The following SLC17A3 variants were observed in gnomAD, a reference collection of about 807,000 sequenced individuals.
SLC17A3 encodes solute carrier family 17 member 3, also known as sodium-dependent phosphate transport protein 4.
Under a neutral mutation model 60.3 loss-of-function variants are expected in SLC17A3, and 61 were observed. That is an observed-to-expected ratio of 1.01 (90% CI 0.82 to 1.25). The LOEUF is 1.25. SLC17A3 is among the 50% of genes most tolerant of loss of function. The pLI, the probability that SLC17A3 is intolerant of heterozygous loss-of-function variation, is 0.00. For synonymous variants in SLC17A3, 192 were observed against 208.9 expected (o/e 0.92, Z 0.70); for missense variants, 624 against 594.9 (o/e 1.05, Z -0.51).
rs573596829 is a variant in SLC17A3 at position 25,849,518 on chromosome 6, T to C, written c.1272-54A>G. The C allele has an allele frequency of 2.0e-5, 21 of 1,061,780 alleles. No homozygotes were observed. In the East Asian group the frequency reaches 5.0e-4, roughly 25 times the overall value. The allele number at this position is 1,061,780 out of a possible 1,614,324, so 65.8% of individuals were successfully genotyped here. A position where few individuals can be genotyped will look rare whatever the true frequency, so the allele number is the denominator to read the frequency against. ...GATCCAGAGATGTTTGACAGTATCC[T>C]TCAGCCCTGATCCATGTATGAATCT... On this transcript the variant is annotated intron_variant, in intron 10 of 12. Coordinates refer to ENST00000397060, the MANE Select transcript of SLC17A3 (RefSeq NM_001098486.2).
At chr6:25,856,507 G>A (rs555192325) in intron 5 of SLC17A3, among the ~76,000 whole-genome samples, 1 of 152,198 alleles carries the variant, frequency 6.6e-6, no homozygotes, top group African/African-American at 2.4e-5. Context: ...CCAAAGCACT[G>A]GATTACAGGC....
Position 25,845,037 on chromosome 6 carries a change from T to A in SLC17A3, c.*264A>T, listed in dbSNP as rs1176642400. Reference sequence around the variant, plus strand: ...TTGTATCCAGTAATGGAATCTAACATACTGGGTCCCACACAGCAAGCCCTC... The same window carrying A: ...TTGTATCCAGTAATGGAATCTAACAAACTGGGTCCCACACAGCAAGCCCTC... On this transcript the variant is annotated 3_prime_UTR_variant, in exon 13 of 13. Coordinates refer to ENST00000397060, the MANE Select transcript of SLC17A3 (RefSeq NM_001098486.2). 1 of 260,068 alleles carries A rather than the reference T, an allele frequency of 3.8e-6. No individual in the cohort carries two copies. Among genetic ancestry groups the A allele is most frequent in the African/African-American group, 2.2e-5 (1 of 44,500 alleles). 16.1% of individuals were successfully genotyped at this position (260,068 alleles called of 1,614,324 possible). A position where few individuals can be genotyped will look rare whatever the true frequency, so the allele number is the denominator to read the frequency against.
At chr6:25,853,265 TTCTC>T (rs1181893477) in intron 6 of SLC17A3, among the ~76,000 whole-genome samples, 2 of 147,434 alleles carry the variant, frequency 1.4e-5, no homozygotes, top group African/African-American at 5.0e-5. Flanking sequence ...TTTCTTTCCT[TTCTC>T]TCTCTCTCTC....
chr6:25,865,552 C>T, intron 2 of SLC17A3, among the ~76,000 whole-genome samples: 1 of 151,944 alleles, frequency 6.6e-6, no homozygotes, highest in East Asian at 1.9e-4. Flanking sequence ...AAAAGGGTAT[C>T]AGCAAACCAA....
At chr6:25,869,383 G>A (rs1303645939) in intron 1 of SLC17A3, among the ~76,000 whole-genome samples, 4 of 151,788 alleles carry the variant, frequency 2.6e-5, no homozygotes, top group Non-Finnish European at 5.9e-5. Flanking sequence ...CCTCTTAAAC[G>A]TCTAAGCACT....
chr6:25,873,389 A>G (rs1765676141), intron 1 of SLC17A3, among the ~76,000 whole-genome samples: 1 of 152,144 alleles, frequency 6.6e-6, no homozygotes, highest in Non-Finnish European at 1.5e-5. Context: ...AACCACATTG[A>G]GGATCAGCTT....
intron 1 of SLC17A3, among the ~76,000 whole-genome samples, chr6:25,871,450 G>A (rs1207234394): frequency 6.7e-6 from 1 of 148,906 alleles, no homozygotes; most frequent in Non-Finnish European, 1.5e-5. Context: ...GAGAACACAT[G>A]GACACAGGAA....
chr6:25,860,027 T>A (rs1765421742), intron 5 of SLC17A3, among the ~76,000 whole-genome samples: 1 of 152,198 alleles, frequency 6.6e-6, no homozygotes, highest in Non-Finnish European at 1.5e-5. Context: ...TCCTCCATGA[T>A]AGATGTGCTT....
chr6:25,855,252 G>A (rs748130772), intron 5 of SLC17A3, 22 bp from the exon 6 acceptor site: 7 of 1,543,940 alleles, frequency 4.5e-6, no homozygotes, highest in Non-Finnish European at 6.3e-6. Context: ...GAGAAAGTAA[G>A]CTGTGGGACT....
chr6:25,862,293 C>G lies in SLC17A3; in HGVS notation c.243G>C (p.Glu81Asp). Residue 81 changes from glutamate (E) to aspartate (D), a missense_variant, in exon 3 of 13, where the codon GAG becomes GAC. By Grantham distance (45) the Glu-to-Asp change is conservative. Transcript: ENST00000397060. ...CACCAAATGAGTCAACAGGCAGCAC[C>G]TCAGAGGAATCATTGAGCTGGGATT... ...SPQSQLNDSSEVLPVDSFGGL... is the reference protein window; with the variant it reads ...SPQSQLNDSSDVLPVDSFGGL... 1 of 1,613,832 alleles carries G rather than the reference C, an allele frequency of 6.2e-7. No homozygotes were observed. The highest frequency in any genetic ancestry group is 1.1e-5 in the South Asian group (1 of 91,074).
intron 2 of SLC17A3, among the ~76,000 whole-genome samples, chr6:25,867,582 A>C (rs551197258): frequency 3.9e-5 from 6 of 151,962 alleles, no homozygotes. Context: ...ACATCTAATA[A>C]CCTAAGTAAC....
At chr6:25,872,329 CA>C (rs35631811) in intron 1 of SLC17A3, among the ~76,000 whole-genome samples, 6,582 of 95,228 alleles carry the variant, frequency 0.069, 318 homozygotes, top group African/African-American at 0.17. Flanking sequence ...GCTTTAACGC[CA>C]AAAAAAAAAA....
chr6:25,858,396 C>A (rs1412279050), intron 5 of SLC17A3, among the ~76,000 whole-genome samples: 1 of 152,136 alleles, frequency 6.6e-6, no homozygotes, highest in Non-Finnish European at 1.5e-5. Flanking sequence ...TGACTTCCAC[C>A]CTGCTGGACT....
intron 1 of SLC17A3, among the ~76,000 whole-genome samples, chr6:25,870,889 A>G (rs62394297): frequency 0.089 from 13,583 of 152,104 alleles, 770 homozygotes; most frequent in Non-Finnish European, 0.12. Flanking sequence ...TCCAGAAGGG[A>G]AAATGAAGGT....
intron 1 of SLC17A3, among the ~76,000 whole-genome samples, chr6:25,871,404 C>T (rs540987733): frequency 2.7e-5 from 4 of 149,806 alleles, no homozygotes; most frequent in Non-Finnish European, 5.9e-5. Flanking sequence ...AAACCAAACA[C>T]TGCATGTTCT....
chr6:25,858,046 C>T (rs1230493680), intron 5 of SLC17A3, among the ~76,000 whole-genome samples: 3 of 152,096 alleles, frequency 2.0e-5, no homozygotes, highest in Non-Finnish European at 2.9e-5. Context: ...GATGGAGTCT[C>T]ATTCTGTTAC....
intron 2 of SLC17A3, among the ~76,000 whole-genome samples, chr6:25,866,380 G>A (rs1391728115): frequency 6.6e-6 from 1 of 151,986 alleles, no homozygotes; most frequent in Non-Finnish European, 1.5e-5. Flanking sequence ...ACCTGAATAA[G>A]CCTGGAAGTG....
chr6:25,859,344 G>A (rs1383271985), intron 5 of SLC17A3, among the ~76,000 whole-genome samples: 1 of 152,158 alleles, frequency 6.6e-6, no homozygotes, highest in African/African-American at 2.4e-5. Context: ...ATTCAAATGT[G>A]GCCATCTCTT....
At chr6:25,859,731 T>C (rs568852220) in intron 5 of SLC17A3, among the ~76,000 whole-genome samples, 2 of 152,228 alleles carry the variant, frequency 1.3e-5, no homozygotes, top group South Asian at 4.2e-4. Flanking sequence ...ACACCATCAG[T>C]GGTAAGGCTG....
Sources: allele counts gnomAD v4.1 joint callset (sites outside exome capture counted in the v4.1 genomes callset), GRCh38; gene constraint gnomAD v4.1.1; transcripts MANE v1.5; gene names NCBI Gene and HGNC (gene_info 2026-07-23, HGNC 2026-07-21).